MAGI1: variants seen among roughly 807,000 people sequenced by gnomAD.
MAGI1 encodes the protein membrane associated guanylate kinase, WW and PDZ domain containing 1.
A neutral mutation model predicts 139.9 loss-of-function variants in MAGI1; 58 were observed. The observed-to-expected ratio is 0.41, with a 90% CI of 0.34 to 0.52. The LOEUF (loss-of-function observed/expected upper bound fraction) is 0.52. MAGI1 is among the 20% of genes least tolerant of loss of function. MAGI1 has a pLI of 0.12. For missense variants in MAGI1, 1,874 were observed against 1,901.6 expected (o/e 0.99, Z 0.27); for synonymous variants, 812 against 737.9 (o/e 1.10, Z -1.63).
chr3:65,901,332 A>T (rs2061223944), intron 1 of MAGI1, among the ~76,000 whole-genome samples: 1 of 152,226 alleles, frequency 6.6e-6, no homozygotes, highest in Non-Finnish European at 1.5e-5. Flanking sequence ...AAGTGTATGG[A>T]TGACATTTCT....
rs1472718841 is a variant in MAGI1, at chr3:66,010,081, A to C, written c.313+27915T>G. Among the ~76,000 whole-genome samples the C allele has an allele frequency of 1.1e-3, 153 of 141,068 alleles. 3 individuals are homozygous for C. The highest frequency in any genetic ancestry group is 4.2e-3 in the African/African-American group (145 of 34,818). 92.5% of individuals were successfully genotyped at this position (141,068 alleles called of 152,430 possible). On this transcript the variant is annotated intron_variant, in intron 1 of 22. Transcript: ENST00000402939. The stretch of plus-strand genomic sequence containing the variant: ...ACAAAGTGATACTCTCTGTCTCAAA[A>C]AAAAAAAAAAAAAAAAAAAAAAAGA...
At chr3:65,764,743 G>C (rs1023589095) in intron 1 of MAGI1, among the ~76,000 whole-genome samples, 2 of 151,682 alleles carry the variant, frequency 1.3e-5, no homozygotes, top group African/African-American at 4.8e-5. Flanking sequence ...TGAGAAAGTC[G>C]TGTCATTTAA....
chr3:65,426,170 T>C (rs1429308477), intron 12 of MAGI1, among the ~76,000 whole-genome samples: 1 of 152,002 alleles, frequency 6.6e-6, no homozygotes, highest in Non-Finnish European at 1.5e-5. Flanking sequence ...AAGAGGAGAT[T>C]TGTAAGCAAA....
intron 1 of MAGI1, among the ~76,000 whole-genome samples, chr3:65,799,396 A>G (rs2040370110): frequency 6.6e-6 from 1 of 152,200 alleles, no homozygotes; most frequent in Non-Finnish European, 1.5e-5. Context: ...AGTGACACTA[A>G]GTTATTTGTT....
intron 12 of MAGI1, among the ~76,000 whole-genome samples, chr3:65,402,926 T>G (rs746690349): frequency 1.3e-5 from 2 of 152,102 alleles, no homozygotes; most frequent in African/African-American, 2.4e-5. Context: ...TTGTCAGAAA[T>G]GCAGCAGCCC....
chr3:65,676,581 T>A (rs1408977112), intron 1 of MAGI1, among the ~76,000 whole-genome samples: 1 of 152,186 alleles, frequency 6.6e-6, no homozygotes, highest in Non-Finnish European at 1.5e-5. Flanking sequence ...AAAAGCTGTG[T>A]CCAGCATCTC....
At chr3:65,382,871 CCTT>C (rs1340105919) in intron 15 of MAGI1, among the ~76,000 whole-genome samples, 38 of 152,240 alleles carry the variant, frequency 2.5e-4, no homozygotes, top group African/African-American at 9.1e-4. Context: ...ATGTTAAGAG[CCTT>C]TAGCACAGAA....
chr3:65,448,804 A>G (rs962150530), intron 6 of MAGI1, among the ~76,000 whole-genome samples: 6 of 152,104 alleles, frequency 3.9e-5, no homozygotes, highest in South Asian at 4.2e-4. Context: ...ACAAGTCCAA[A>G]TCCTTTCTGT....
At chr3:66,006,784 G>A (rs1020277530) in intron 1 of MAGI1, among the ~76,000 whole-genome samples, 5 of 151,322 alleles carry the variant, frequency 3.3e-5, no homozygotes, top group African/African-American at 1.2e-4. Flanking sequence ...TTGGTTTAGC[G>A]GTCCTCTCTT....
At chr3:65,393,019 G>A (rs772726635) in intron 13 of MAGI1, among the ~76,000 whole-genome samples, 3 of 152,118 alleles carry the variant, frequency 2.0e-5, no homozygotes, top group African/African-American at 2.4e-5. Flanking sequence ...AGGAAAACAC[G>A]CTGATGTTTG....
chr3:65,581,708 T>C (rs1329324953), intron 2 of MAGI1, among the ~76,000 whole-genome samples: 3 of 152,148 alleles, frequency 2.0e-5, no homozygotes, highest in Non-Finnish European at 4.4e-5. Flanking sequence ...CTGCCATTCA[T>C]CTCCCATCAG....
At chr3:66,022,031 G>T (rs1044029337) in intron 1 of MAGI1, among the ~76,000 whole-genome samples, 16 of 152,140 alleles carry the variant, frequency 1.1e-4, no homozygotes, top group African/African-American at 3.9e-4. Flanking sequence ...GCCTTTTCCC[G>T]AATGTCTCTT....
chr3:65,967,746 T>C (rs983514280), intron 1 of MAGI1, among the ~76,000 whole-genome samples: 1 of 152,230 alleles, frequency 6.6e-6, no homozygotes, highest in African/African-American at 2.4e-5. Flanking sequence ...CTTTAAGTAC[T>C]GGCAAGCACC....
chr3:65,401,481 T>C lies in MAGI1; in HGVS notation c.2168-11A>G, dbSNP rs766494927. ...TGGGAACTGGCAGCCCTGGAAAAAA[T>C]GCAACAAGGAGGGGAGGGGGGAAGA... On this transcript the variant is annotated splice_polypyrimidine_tract_variant and intron_variant, in intron 12 of 22. Transcript: ENST00000402939. 4.0e-5 allele frequency: 62 copies of C among 1,548,878 alleles called. No individual in the cohort carries two copies. Among genetic ancestry groups the C allele is most frequent in the Non-Finnish European group, 5.2e-5 (60 of 1,142,984 alleles).
chr3:65,645,351 C>A (rs2085203180), intron 1 of MAGI1, among the ~76,000 whole-genome samples: 1 of 151,978 alleles, frequency 6.6e-6, no homozygotes, highest in South Asian at 2.1e-4. Flanking sequence ...GTAAATTTTT[C>A]ATCAGAAACC....
chr3:65,875,320 A>T (rs190338936), intron 1 of MAGI1, among the ~76,000 whole-genome samples: 77 of 152,370 alleles, frequency 5.1e-4, no homozygotes, highest in African/African-American at 1.7e-3. Context: ...AGATGGCTGC[A>T]CAATTCTCTG....
intron 18 of MAGI1, among the ~76,000 whole-genome samples, chr3:65,370,951 C>G (rs1225107756): frequency 6.6e-6 from 1 of 152,186 alleles, no homozygotes; most frequent in Non-Finnish European, 1.5e-5. Context: ...GCCACTGCAC[C>G]CAGCTGTGTA....
intron 14 of MAGI1, among the ~76,000 whole-genome samples, chr3:65,386,842 A>G (rs562153360): frequency 6.6e-6 from 1 of 152,338 alleles, no homozygotes; most frequent in African/African-American, 2.4e-5. Flanking sequence ...AAAGCAGTCA[A>G]AAGACTTCCT....
At chr3:65,782,921 G>C (rs944155576) in intron 1 of MAGI1, among the ~76,000 whole-genome samples, 4 of 147,360 alleles carry the variant, frequency 2.7e-5, no homozygotes, top group Non-Finnish European at 6.0e-5. Context: ...AAAAAAAAAA[G>C]AGAAAAATCA....
Sources: allele counts gnomAD v4.1 joint callset (sites outside exome capture counted in the v4.1 genomes callset), GRCh38; gene constraint gnomAD v4.1.1; transcripts MANE v1.5; gene names NCBI Gene and HGNC (gene_info 2026-07-23, HGNC 2026-07-21).